Variants in NTPCR observed in about 807,000 individuals in gnomAD.
The protein encoded by NTPCR is nucleoside-triphosphatase, cancer-related, also known as cancer-related nucleoside-triphosphatase.
NTPCR carries 15 observed loss-of-function variants against 19.5 expected under a neutral mutation model. The observed-to-expected ratio is 0.77, with a 90% CI of 0.51 to 1.18. The LOEUF (loss-of-function observed/expected upper bound fraction) is 1.18, where lower values mean the gene tolerates loss of function less well. Ranked by LOEUF, NTPCR falls within the 50% of genes most tolerant of loss-of-function variation. The pLI is 0.00. For synonymous variants in NTPCR, 90 were observed against 95.8 expected, an observed-to-expected ratio of 0.94 and a Z score of 0.36; for missense variants, 206 against 240.4, an observed-to-expected ratio of 0.86 and a Z score of 0.95.
intron 3 of NTPCR, chr1:232,968,409 A>C (rs368878644): frequency 2.6e-5 from 4 of 152,256 alleles, no homozygotes; most frequent in Admixed American, 6.5e-5. Context: ...TGCAATCACA[A>C]CTGGGGTTTA....
At chr1:232,975,642 T>C (rs573664632) in intron 4 of NTPCR, among the ~76,000 whole-genome samples, 18 of 152,320 alleles carry the variant, frequency 1.2e-4, no homozygotes, top group African/African-American at 3.8e-4. Flanking sequence ...CCCATGGTGC[T>C]CACAGTCTTA....
rs74488070 is a variant in NTPCR, at chr1:232,956,423, G to T, written c.274G>T (p.Ala92Ser). The part of the protein sequence containing the change: ...VVDLTSFEQL[A>S]LPVLRNADCS... ...CGACCTGACTTCTTTTGAGCAGTTG[G>T]CACTACCCGTCTTGAGGAATGTGAG... The change falls in exon 3 of 5, where the codon GCA becomes TCA. Residue 92 changes from alanine (A) to serine (S), a missense_variant. Physicochemically the swap from Ala to Ser is moderately conservative, Grantham distance 99. Coordinates refer to ENST00000366628, the MANE Select transcript of NTPCR (RefSeq NM_032324.3). 582 of 1,612,790 alleles carry T rather than the reference G, an allele frequency of 3.6e-4. 4 individuals are homozygous for T. In the African/African-American group the frequency reaches 6.9e-3, roughly 19 times the overall value.
chr1:232,956,088 T>G (rs1668504113), intron 2 of NTPCR, among the ~76,000 whole-genome samples: 1 of 152,210 alleles, frequency 6.6e-6, no homozygotes, highest in Non-Finnish European at 1.5e-5. Flanking sequence ...AGACTGTTGA[T>G]GCAGTAGCTG....
intron 1 of NTPCR, 135 bp from the exon 2 acceptor site, chr1:232,955,422 C>A: frequency 1.6e-6 from 1 of 611,364 alleles, no homozygotes; most frequent in Non-Finnish European, 2.6e-6. Context: ...AGTTCATATT[C>A]ATAAATCCAT....
intron 1 of NTPCR, among the ~76,000 whole-genome samples, chr1:232,952,380 T>G (rs941393256): frequency 6.6e-6 from 1 of 151,954 alleles, no homozygotes; most frequent in African/African-American, 2.4e-5. Context: ...CGGGTATTTT[T>G]TTTTTTTTGT....
At position 232,983,696 on chromosome 1, in the gene NTPCR, A is replaced by G. The variant is rs1558139655; in HGVS notation, c.*5465A>G. On this transcript the variant is annotated 3_prime_UTR_variant, in exon 5 of 5. Coordinates refer to ENST00000366628, the MANE Select transcript of NTPCR (RefSeq NM_032324.3). ...TACTGGAGACATGACTGCATGCATG[A>G]TCACGGTTCTTGTTGTGAAGCTGCC... 6.6e-6 allele frequency: 1 copy of G among 152,112 alleles called. No individual in the cohort carries two copies. Among genetic ancestry groups the G allele is most frequent in the East Asian group, 1.9e-4 (1 of 5,200 alleles). The allele number at this position is 152,112 out of a possible 1,614,324, so 9.4% of individuals were successfully genotyped here. A position where few individuals can be genotyped will look rare whatever the true frequency, so the allele number is the denominator to read the frequency against.
rs1669319749 is a variant in NTPCR at position 232,982,877 on chromosome 1, G to C, written c.*4646G>C. 2 of 152,196 alleles carry C rather than the reference G, an allele frequency of 1.3e-5. No homozygotes were observed. The highest frequency in any genetic ancestry group is 2.9e-5 in the Non-Finnish European group (2 of 68,044). The allele number at this position is 152,196 out of a possible 1,614,324, so 9.4% of individuals were successfully genotyped here. ...GTAAAGTTGCCCAAGAGGATTACAG[G>C]AGCTGCCAGCCAAGTTTAATTTGGC... On this transcript the variant is annotated 3_prime_UTR_variant, in exon 5 of 5. Coordinates refer to ENST00000366628, the MANE Select transcript of NTPCR (RefSeq NM_032324.3).
chr1:232,959,544 T>G (rs1668610347), intron 3 of NTPCR, among the ~76,000 whole-genome samples: 1 of 152,156 alleles, frequency 6.6e-6, no homozygotes, highest in Non-Finnish European at 1.5e-5. Context: ...GAGAAGGAAC[T>G]AGTGTTTTGT....
intron 2 of NTPCR, 74 bp from the exon 3 acceptor site, chr1:232,956,273 C>T (rs1240168451): frequency 5.1e-6 from 5 of 984,082 alleles, no homozygotes; most frequent in Non-Finnish European, 8.1e-6. Context: ...ATGCCAGAGG[C>T]TCAGTGGAGC....
At position 232,974,282 on chromosome 1, in the gene NTPCR, A is replaced by G. The variant is rs1669066367; in HGVS notation, c.505-3881A>G. Among the ~76,000 whole-genome samples the G allele has an allele frequency of 1.3e-5, 2 of 152,224 alleles. 1 individual carries two copies. The highest frequency in any genetic ancestry group is 4.1e-4 in the South Asian group (2 of 4,828). On this transcript the variant is annotated intron_variant, in intron 4 of 4. Transcript: ENST00000366628. ...AACTGTCGACTCATAATTCTATAAG[A>G]CATTCACAGATGAAGGAAAACTAAG... is the stretch of plus-strand genomic sequence containing the variant.
intron 3 of NTPCR, chr1:232,962,757 T>G (rs1668702415): frequency 6.6e-6 from 1 of 152,246 alleles, no homozygotes; most frequent in African/African-American, 2.4e-5. Flanking sequence ...ACCTTGTATT[T>G]TCCTGTTTTG....
intron 3 of NTPCR, chr1:232,969,461 G>T (rs184253219): frequency 1.3e-5 from 2 of 158,790 alleles, no homozygotes; most frequent in African/African-American, 2.4e-5. Flanking sequence ...TACGTGCTGG[G>T]GGGGAGATAA....
At chr1:232,962,117 T>A (rs1668682839) in intron 3 of NTPCR, 1 of 152,214 alleles carries the variant, frequency 6.6e-6, no homozygotes, top group Non-Finnish European at 1.5e-5. Context: ...CTCAGAACAC[T>A]ATCACTCTAT....
At chr1:232,959,890 T>A (rs1278901687) in intron 3 of NTPCR, among the ~76,000 whole-genome samples, 3 of 152,078 alleles carry the variant, frequency 2.0e-5, no homozygotes, top group Non-Finnish European at 4.4e-5. Flanking sequence ...CAAGCAGGGC[T>A]ATGCCTATTT....
chr1:232,970,134 C>T lies in NTPCR; in HGVS notation c.504+16C>T, dbSNP rs1233891102. ...GGTGTTTAATGTGAGTACAGCCAGTCCTCCATAATCAGTGGAAATGGAGCA... is the reference window on the plus strand; with the variant it reads ...GGTGTTTAATGTGAGTACAGCCAGTTCTCCATAATCAGTGGAAATGGAGCA... On this transcript the variant is annotated intron_variant, in intron 4 of 4. Coordinates refer to ENST00000366628, the MANE Select transcript of NTPCR (RefSeq NM_032324.3). 6.3e-7 allele frequency: 1 copy of T among 1,587,052 alleles called. No individual in the cohort carries two copies. Among genetic ancestry groups the T allele is most frequent in the Admixed American group, 1.7e-5 (1 of 59,958 alleles).
intron 1 of NTPCR, among the ~76,000 whole-genome samples, chr1:232,954,668 G>A (rs1480411937): frequency 6.6e-6 from 1 of 152,196 alleles, no homozygotes; most frequent in Non-Finnish European, 1.5e-5. Flanking sequence ...CATAAGGATG[G>A]TAATTGCCTC....
In NTPCR at chr1:232,950,669, G is replaced by A. The variant is rs750266738; in HGVS notation, c.-42G>A. 1.3e-5 allele frequency: 20 copies of A among 1,563,624 alleles called. No individual in the cohort carries two copies. In the South Asian group the frequency reaches 1.4e-4, roughly 11 times the overall value. On this transcript the variant is annotated 5_prime_UTR_variant, in exon 1 of 5. Coordinates refer to ENST00000366628, the MANE Select transcript of NTPCR (RefSeq NM_032324.3). ...CTGACCTGAATTGCGACCCCAACCTGGACTGCTCCCCTGACCGCAACCCCT... is the reference window on the plus strand; with the variant it reads ...CTGACCTGAATTGCGACCCCAACCTAGACTGCTCCCCTGACCGCAACCCCT...
In NTPCR at chr1:232,979,819, C is replaced by T. The variant is rs1365935300; in HGVS notation, c.*1588C>T. 1 of 152,238 alleles carries T rather than the reference C, an allele frequency of 6.6e-6. No individual in the cohort carries two copies. The highest frequency in any genetic ancestry group is 1.9e-4 in the East Asian group (1 of 5,190). The allele number at this position is 152,238 out of a possible 1,614,324, so 9.4% of individuals were successfully genotyped here. On this transcript the variant is annotated 3_prime_UTR_variant, in exon 5 of 5. Coordinates refer to ENST00000366628, the MANE Select transcript of NTPCR (RefSeq NM_032324.3). This position sits in a 1 kb window ranked among gnomAD's most constrained non-coding sequence, Gnocchi z 5.3. ...TCCCACAAAGGCCTGGGAACCTGATCCTGGCCGTAAATCTGAAAGTACCAC... is the reference window on the plus strand; with the variant it reads ...TCCCACAAAGGCCTGGGAACCTGATTCTGGCCGTAAATCTGAAAGTACCAC...
In NTPCR at chr1:232,979,526, T is replaced by C. The variant is rs1669232208; in HGVS notation, c.*1295T>C. Reference sequence around the variant, plus strand: ...CGAGGTAACTTTGTGAAGCTTGACTTGGACTTGCCTAGCCTTGGAGGGACC... The same window carrying C: ...CGAGGTAACTTTGTGAAGCTTGACTCGGACTTGCCTAGCCTTGGAGGGACC... On this transcript the variant is annotated 3_prime_UTR_variant, in exon 5 of 5. Coordinates refer to ENST00000366628, the MANE Select transcript of NTPCR (RefSeq NM_032324.3). This position sits in a 1 kb window ranked among gnomAD's most constrained non-coding sequence, Gnocchi z 5.3. 6.6e-6 allele frequency: 1 copy of C among 152,400 alleles called. No individual in the cohort carries two copies. The highest frequency in any genetic ancestry group is 6.5e-5 in the Admixed American group (1 of 15,294). The allele number at this position is 152,400 out of a possible 1,614,324, so 9.4% of individuals were successfully genotyped here. A position where few individuals can be genotyped will look rare whatever the true frequency, so the allele number is the denominator to read the frequency against.
Sources: gnomAD v4.1 joint callset for allele counts (sites outside exome capture counted in the v4.1 genomes callset) on GRCh38, gnomAD v4.1.1 for gene constraint, Gnocchi (gnomAD v3.1) non-coding constraint, MANE v1.5 for transcripts, NCBI Gene and HGNC (gene_info 2026-07-23, HGNC 2026-07-21) for gene names.